Variants in ROCK1 observed in about 807,000 individuals in gnomAD.
ROCK1 encodes the protein rho-associated protein kinase 1.
In ROCK1, 36 loss-of-function variants were observed where a neutral mutation model predicts 196.8. That is an observed-to-expected ratio of 0.18 (90% CI 0.14 to 0.24). ROCK1 has a LOEUF of 0.24. Ranked by LOEUF, ROCK1 falls within the 10% of genes least tolerant of loss-of-function variation. ROCK1 has a pLI of 1.00. For missense variants in ROCK1, 920 were observed against 1,562.0 expected (o/e 0.59, Z 6.93); for synonymous variants, 443 against 515.9 (o/e 0.86, Z 1.91).
chr18:20,991,647 T>C (rs1223313403), intron 17 of ROCK1, among the ~76,000 whole-genome samples: 1 of 152,098 alleles, frequency 6.6e-6, no homozygotes, highest in East Asian at 1.9e-4. Flanking sequence ...TTCTTTTTTT[T>C]TTAAAGAGAT....
intron 21 of ROCK1, among the ~76,000 whole-genome samples, chr18:20,981,493 A>C (rs1212982590): frequency 1.3e-5 from 2 of 152,230 alleles, no homozygotes; most frequent in Non-Finnish European, 2.9e-5. Context: ...TACAAAATTC[A>C]CTAAGCTTTT....
chr18:21,028,840 T>C lies in ROCK1; in HGVS notation c.1147A>G (p.Ile383Val), dbSNP rs1364395121. 26 of 1,612,616 alleles carry C rather than the reference T, an allele frequency of 1.6e-5. No individual in the cohort carries two copies. The highest frequency in any genetic ancestry group is 6.7e-5 in the Admixed American group (4 of 59,602). ...EDKGEEETFP[I>V]PKAFVGNQLP... The stretch of plus-strand genomic sequence containing the variant: ...TGATTGCCAACGAAAGCTTTAGGAA[T>C]AGGGAATGTTTCTTCCTCTCCTTTA... The change falls in exon 10 of 33, where the codon ATT (isoleucine) becomes GTT (valine). Residue 383 changes from isoleucine to valine, a missense_variant. Ile to Val is a conservative substitution (Grantham distance 29). Transcript: ENST00000399799.
intron 10 of ROCK1, among the ~76,000 whole-genome samples, chr18:21,026,591 T>C (rs1032223430): frequency 2.9e-4 from 44 of 152,188 alleles, no homozygotes; most frequent in African/African-American, 9.9e-4. Context: ...AGCTATCTCA[T>C]TGATGTTGCA....
intron 29 of ROCK1, among the ~76,000 whole-genome samples, chr18:20,958,233 TAAAG>T (rs910418199): frequency 5.3e-5 from 8 of 152,150 alleles, no homozygotes; most frequent in Admixed American, 2.0e-4. Context: ...AAACAGAAAA[TAAAG>T]AAAGAGTATT....
chr18:21,062,391 G>C (rs942148355), intron 2 of ROCK1, among the ~76,000 whole-genome samples: 1 of 152,116 alleles, frequency 6.6e-6, no homozygotes, highest in Non-Finnish European at 1.5e-5. Context: ...CAAAGTATTA[G>C]GTTGGTGCAA....
chr18:21,073,909 T>C (rs989246120), intron 1 of ROCK1, among the ~76,000 whole-genome samples: 6 of 152,060 alleles, frequency 3.9e-5, no homozygotes, highest in African/African-American at 1.4e-4. Flanking sequence ...TCCCAGCACT[T>C]TGGGAGATCG....
Position 20,984,522 on chromosome 18 carries a change from G to C in ROCK1, c.2318C>G (p.Thr773Ser), listed in dbSNP as rs45562542. Residue 773 changes from threonine to serine, a missense_variant, in exon 20 of 33, where the codon ACC becomes AGC. Thr to Ser is a moderately conservative substitution (Grantham distance 58). Around this residue, in one of 6 missense-constraint regions of ROCK1, gnomAD observed 520 missense variants for 657.1 expected, o/e 0.79. Coordinates refer to ENST00000399799, the MANE Select transcript of ROCK1 (RefSeq NM_005406.3). ...ERMEDEVKNL[T>S]LQLEQESNKR... The stretch of plus-strand genomic sequence containing the variant: ...ATTTGATTCCTGCTCCAGTTGCAGG[G>C]TTAGATTCTTAACCTATGAATGAGA... 0.012 allele frequency: 19,092 copies of C among 1,608,498 alleles called. 134 individuals carry two copies. The highest frequency in any genetic ancestry group is 0.014 in the Non-Finnish European group (16,410 of 1,178,386).
intron 1 of ROCK1, among the ~76,000 whole-genome samples, chr18:21,095,315 C>T (rs1158694719): frequency 6.6e-6 from 1 of 151,800 alleles, no homozygotes; most frequent in African/African-American, 2.4e-5. Flanking sequence ...CTTCAAAGAA[C>T]TAATCAAACT....
chr18:21,076,180 G>A (rs1021476746), intron 1 of ROCK1, among the ~76,000 whole-genome samples: 4 of 152,164 alleles, frequency 2.6e-5, no homozygotes, highest in Non-Finnish European at 5.9e-5. Flanking sequence ...GCACAACAAC[G>A]TGAATGATTA....
At chr18:21,023,805 AAGTATAGGT>A (rs1025454674) in intron 10 of ROCK1, 125 bp from the exon 11 acceptor site, 4 of 460,734 alleles carry the variant, frequency 8.7e-6, no homozygotes, top group African/African-American at 8.2e-5. Context: ...TTTAAAAATT[AAGTATAGGT>A]TCATAATTTT....
At chr18:21,040,020 G>A (rs961142140) in intron 8 of ROCK1, among the ~76,000 whole-genome samples, 5 of 152,126 alleles carry the variant, frequency 3.3e-5, no homozygotes, top group East Asian at 3.9e-4. Flanking sequence ...TTGCGCCACC[G>A]CACTCCAGCC....
intron 20 of ROCK1, among the ~76,000 whole-genome samples, chr18:20,983,573 A>G (rs1311800845): frequency 6.6e-6 from 1 of 152,124 alleles, no homozygotes; most frequent in Non-Finnish European, 1.5e-5. Flanking sequence ...TTAGACAGTA[A>G]TAGCTTTGTA....
chr18:21,084,255 C>CAA (rs56033980), intron 1 of ROCK1, among the ~76,000 whole-genome samples: 571 of 147,730 alleles, frequency 3.9e-3, no homozygotes, highest in Non-Finnish European at 4.6e-3. Flanking sequence ...ACACAGGCAA[C>CAA]AAAAAAAAAA....
At chr18:21,016,187 T>A (rs1485825687) in intron 12 of ROCK1, among the ~76,000 whole-genome samples, 2 of 152,154 alleles carry the variant, frequency 1.3e-5, no homozygotes, top group Non-Finnish European at 2.9e-5. Context: ...CTATTGGTAA[T>A]AAAAATTAAC....
intron 1 of ROCK1, among the ~76,000 whole-genome samples, chr18:21,085,478 T>C (rs192598550): frequency 1.3e-5 from 2 of 151,916 alleles, no homozygotes; most frequent in Non-Finnish European, 2.9e-5. Flanking sequence ...GAAAAATTAA[T>C]GGAAAATGAA....
intron 16 of ROCK1, among the ~76,000 whole-genome samples, chr18:20,993,391 C>T (rs763813291): frequency 1.3e-5 from 2 of 152,108 alleles, no homozygotes; most frequent in Non-Finnish European, 2.9e-5. Context: ...TTAGTAGAGA[C>T]GGGGTTTCAC....
Position 21,009,293 on chromosome 18 carries a change from G to T in ROCK1, c.1411-1099C>A, listed in dbSNP as rs371053627. On this transcript the variant is annotated intron_variant, in intron 13 of 32. Transcript: ENST00000399799. ...CTCCCAAAGTGCTGGGATTACAGGC[G>T]TGAGTCACCGCGCCTGGCCAAGACA... Among the ~76,000 whole-genome samples, 9 of 149,838 alleles carry T rather than the reference G, an allele frequency of 6.0e-5. No homozygotes were observed. In the Middle Eastern group the frequency reaches 0.011, roughly 176 times the overall value.
At chr18:21,098,088 C>G (rs2036626550) in intron 1 of ROCK1, among the ~76,000 whole-genome samples, 1 of 152,104 alleles carries the variant, frequency 6.6e-6, no homozygotes, top group South Asian at 2.1e-4. Context: ...GCTAGTTATC[C>G]CTAAAAAACA....
At chr18:21,071,181 C>CTT (rs11344426) in intron 1 of ROCK1, among the ~76,000 whole-genome samples, 6 of 90,382 alleles carry the variant, frequency 6.6e-5, no homozygotes, top group Non-Finnish European at 1.1e-4. Context: ...ATTTTTTCTG[C>CTT]TTTTTTTTTT....
Sources: allele counts gnomAD v4.1 joint callset (sites outside exome capture counted in the v4.1 genomes callset), GRCh38; gene constraint gnomAD v4.1.1; regional missense constraint gnomAD v4.1.1; transcripts MANE v1.5; gene names NCBI Gene and HGNC (gene_info 2026-07-23, HGNC 2026-07-21).